Variants in PTPN3 observed in about 807,000 individuals in gnomAD.
PTPN3 encodes tyrosine-protein phosphatase non-receptor type 3.
Under a neutral mutation model 132.7 loss-of-function variants are expected in PTPN3, and 96 were observed. That is an observed-to-expected ratio of 0.72 (90% CI 0.61 to 0.86). PTPN3 has a LOEUF of 0.86. PTPN3 is among the 40% of genes least tolerant of loss of function. The pLI is 0.00. For synonymous variants in PTPN3, 398 were observed against 429.0 expected (o/e 0.93, Z 0.89); for missense variants, 1,125 against 1,159.6 (o/e 0.97, Z 0.43).
intron 1 of PTPN3, among the ~76,000 whole-genome samples, chr9:109,470,614 T>C (rs1846331836): frequency 6.6e-6 from 1 of 151,714 alleles, no homozygotes; most frequent in South Asian, 2.1e-4. Context: ...GAGAATCGCT[T>C]GAGCCCAGGA....
At chr9:109,391,015 G>T in intron 21 of PTPN3, 123 bp downstream of exon 21, 1 of 815,178 alleles carries the variant, frequency 1.2e-6, no homozygotes, top group African/African-American at 1.7e-5. Context: ...TGGCTGTTGT[G>T]GTGCTGAAAT....
chr9:109,419,254 AGAG>A (rs1436428733), intron 14 of PTPN3, among the ~76,000 whole-genome samples: 6 of 152,252 alleles, frequency 3.9e-5, no homozygotes, highest in African/African-American at 1.4e-4. Context: ...AGGACAGAGG[AGAG>A]GTAGCAGCCT....
At chr9:109,531,504 G>A in the PTPN3 span, among the ~76,000 whole-genome samples, 4 of 152,276 alleles carry the variant, frequency 2.6e-5, no homozygotes, top group East Asian at 3.9e-4. Flanking sequence ...ACACCCACTC[G>A]CTGCCACTAT....
chr9:109,423,164 G>T (rs1246914926), intron 12 of PTPN3, among the ~76,000 whole-genome samples: 1 of 152,224 alleles, frequency 6.6e-6, no homozygotes, highest in Non-Finnish European at 1.5e-5. Context: ...CAGCTCCAGT[G>T]ATTTCAAGGA....
chr9:109,426,807 T>C, intron 12 of PTPN3, 143 bp downstream of exon 12: 2 of 905,624 alleles, frequency 2.2e-6, no homozygotes, highest in Non-Finnish European at 3.3e-6. Flanking sequence ...CGGGAGACTT[T>C]TAGTTATGGT....
At chr9:109,493,402 A>G (rs1847544444) in intron 1 of PTPN3, among the ~76,000 whole-genome samples, 1 of 137,782 alleles carries the variant, frequency 7.3e-6, no homozygotes, top group Non-Finnish European at 1.6e-5. Context: ...TTGAGGCTAA[A>G]ATGCACTGTT....
At chr9:109,385,717 T>C (rs1341602115) in intron 22 of PTPN3, among the ~76,000 whole-genome samples, 1 of 152,212 alleles carries the variant, frequency 6.6e-6, no homozygotes, top group Non-Finnish European at 1.5e-5. Context: ...GAAGAAGCAC[T>C]TCTGGAGAAG....
chr9:109,456,802 G>C (rs1845589416), intron 4 of PTPN3, among the ~76,000 whole-genome samples: 1 of 151,398 alleles, frequency 6.6e-6, no homozygotes, highest in Admixed American at 6.6e-5. Flanking sequence ...TATGCTGTTG[G>C]AAAGTATGAG....
Position 109,375,942 on chromosome 9 carries a change from A to G in PTPN3, c.*3614T>C, listed in dbSNP as rs1472445043. On this transcript the variant is annotated 3_prime_UTR_variant, in exon 26 of 26. Coordinates refer to ENST00000374541, the MANE Select transcript of PTPN3 (RefSeq NM_002829.4). Reference sequence around the variant, plus strand: ...TTTGGTCCCCGGTCTGAGGTCACAGAATCTTTGCCACCTTTACCGAGACTG... The same window carrying G: ...TTTGGTCCCCGGTCTGAGGTCACAGGATCTTTGCCACCTTTACCGAGACTG... The G allele has an allele frequency of 6.6e-6, 1 of 152,226 alleles. No homozygotes were observed. Among genetic ancestry groups the G allele is most frequent in the Non-Finnish European group, 1.5e-5 (1 of 68,040 alleles). 9.4% of individuals were successfully genotyped at this position (152,226 alleles called of 1,614,324 possible).
the PTPN3 span, chr9:109,534,286 G>A: frequency 7.1e-6 from 11 of 1,541,794 alleles, no homozygotes; most frequent in Middle Eastern, 2.3e-4. Flanking sequence ...GGGGGGCGGC[G>A]AGCGGCAAGC....
At chr9:109,410,991 TGTA>T (rs1842034116) in intron 14 of PTPN3, among the ~76,000 whole-genome samples, 1 of 152,226 alleles carries the variant, frequency 6.6e-6, no homozygotes, top group African/African-American at 2.4e-5. Context: ...TAGTTTCTTC[TGTA>T]TCGTGGAGCT....
rs556173177 is a variant in PTPN3 at position 109,422,240 on chromosome 9, T to G, written c.1136+478A>C. Among the ~76,000 whole-genome samples, 47 of 152,330 alleles carry G rather than the reference T, an allele frequency of 3.1e-4. No homozygotes were observed. In the South Asian group the frequency reaches 9.8e-3, roughly 32 times the overall value. On this transcript the variant is annotated intron_variant, in intron 13 of 25. Transcript: ENST00000374541. ...ATTTCTTTTTAAGCTGAGTCCATCC[T>G]CTTAAGTTGGCCTGCTACTTACTGA...
intron 5 of PTPN3, chr9:109,449,629 T>A (rs1411527962): frequency 1.0e-6 from 1 of 985,322 alleles, no homozygotes; most frequent in Non-Finnish European, 1.2e-6. Flanking sequence ...AGACTTCTAT[T>A]TAGGGATGCG....
At chr9:109,425,521 C>A (rs1270862267) in intron 12 of PTPN3, among the ~76,000 whole-genome samples, 1 of 145,808 alleles carries the variant, frequency 6.9e-6, no homozygotes, top group Non-Finnish European at 1.5e-5. Flanking sequence ...GAGCAGCCTG[C>A]CCAATGTGGT....
Position 109,423,961 on chromosome 9 carries a change from A to G in PTPN3, c.1002-1109T>C, listed in dbSNP as rs543280323. ...TGTAGCACATCATGTACTAATTCACATTAAGAAATGCTGTTGTCACCCTGA... is the reference window on the plus strand; with the variant it reads ...TGTAGCACATCATGTACTAATTCACGTTAAGAAATGCTGTTGTCACCCTGA... On this transcript the variant is annotated intron_variant, in intron 12 of 25. Transcript: ENST00000374541. Among the ~76,000 whole-genome samples the G allele has an allele frequency of 7.2e-5, 11 of 152,372 alleles. No homozygotes were observed. In the East Asian group the frequency reaches 2.1e-3, roughly 29 times the overall value.
At chr9:109,440,491 AGAACCCAGGTGATCT>A (rs762419787) in intron 7 of PTPN3, among the ~76,000 whole-genome samples, 2 of 152,208 alleles carry the variant, frequency 1.3e-5, no homozygotes, top group Non-Finnish European at 2.9e-5. Context: ...GGTCAAGATC[AGAACCCAGGTGATCT>A]GAACCCCAGT....
intron 22 of PTPN3, 43 bp from the exon 23 acceptor site, chr9:109,383,594 T>C (rs1237655311): frequency 6.3e-7 from 1 of 1,599,720 alleles, no homozygotes; most frequent in Non-Finnish European, 8.5e-7. Flanking sequence ...GTCTGTGGGG[T>C]GTTCCTGCAA....
the PTPN3 span, among the ~76,000 whole-genome samples, chr9:109,515,934 T>A: frequency 1.1e-4 from 16 of 152,154 alleles, no homozygotes; most frequent in Non-Finnish European, 2.2e-4. Context: ...GGGACACGTA[T>A]CCAAACTGTA....
At chr9:109,408,808 T>C (rs990730617) in intron 16 of PTPN3, among the ~76,000 whole-genome samples, 2 of 142,966 alleles carry the variant, frequency 1.4e-5, no homozygotes, top group Non-Finnish European at 3.0e-5. Context: ...TATATATATA[T>C]ATATATATAT....
Sources: allele counts gnomAD v4.1 joint callset (sites outside exome capture counted in the v4.1 genomes callset), GRCh38; gene constraint gnomAD v4.1.1; transcripts MANE v1.5; gene names NCBI Gene and HGNC (gene_info 2026-07-23, HGNC 2026-07-21).